Variants in SLC49A4 observed in about 807,000 individuals in gnomAD.
SLC49A4 encodes the protein disrupted in renal cancer protein 2.
Under a neutral mutation model 50.6 loss-of-function variants are expected in SLC49A4, and 36 were observed. The observed-to-expected ratio is 0.71, with a 90% confidence interval of 0.55 to 0.94. The LOEUF is 0.94. SLC49A4 is among the 40% of genes least tolerant of loss of function. The pLI is 0.00. For missense variants in SLC49A4, 503 were observed against 605.7 expected, an observed-to-expected ratio of 0.83 and a Z score of 1.78; for synonymous variants, 248 against 241.2, an observed-to-expected ratio of 1.03 and a Z score of -0.26.
intron 8 of SLC49A4, among the ~76,000 whole-genome samples, chr3:122,876,796 T>C (rs1404045761): frequency 6.6e-6 from 1 of 152,172 alleles, no homozygotes; most frequent in African/African-American, 2.4e-5. Context: ...AAAATCCCAA[T>C]TAATTCAGTC....
rs534273034 is a variant in SLC49A4 at position 122,812,804 on chromosome 3, A to G, written c.437+5854A>G. Among the ~76,000 whole-genome samples the G allele has an allele frequency of 1.2e-4, 18 of 152,318 alleles. No homozygotes were observed. The East Asian group carries it at 1.3e-3, about 11-fold the overall frequency. On this transcript the variant is annotated intron_variant, in intron 2 of 8. Coordinates refer to ENST00000261038, the MANE Select transcript of SLC49A4 (RefSeq NM_032839.3). ...TTAAGGATTAGCCTCTATTTAATAA[A>G]TCTGTTTGCCTTAATTTGACTCTTA...
At chr3:122,833,264 T>C in intron 3 of SLC49A4, 53 bp from the exon 4 acceptor site, 1 of 1,561,592 alleles carries the variant, frequency 6.4e-7, no homozygotes, top group Non-Finnish European at 8.7e-7. Context: ...ATACTTGAAG[T>C]CTTCAACTTT....
At chr3:122,811,137 G>T (rs1936292261) in intron 2 of SLC49A4, among the ~76,000 whole-genome samples, 1 of 152,152 alleles carries the variant, frequency 6.6e-6, no homozygotes, top group Non-Finnish European at 1.5e-5. Flanking sequence ...GTCAAAAGAT[G>T]AGTTAACTGG....
At chr3:122,856,182 C>T in intron 5 of SLC49A4, 125 bp from the exon 6 acceptor site, 1 of 792,534 alleles carries the variant, frequency 1.3e-6, no homozygotes, top group Non-Finnish European at 2.1e-6. Context: ...ACATTAGTTA[C>T]ACATGAATTC....
At chr3:122,862,709 A>G (rs1196971609) in intron 7 of SLC49A4, among the ~76,000 whole-genome samples, 2 of 152,230 alleles carry the variant, frequency 1.3e-5, no homozygotes, top group African/African-American at 2.4e-5. Flanking sequence ...TACATAAAGA[A>G]CAGATTTCTT....
chr3:122,877,279 A>G (rs1047284130), intron 8 of SLC49A4, among the ~76,000 whole-genome samples: 1 of 152,204 alleles, frequency 6.6e-6, no homozygotes, highest in Non-Finnish European at 1.5e-5. Flanking sequence ...CTAAAAAGGC[A>G]AATAATTTCG....
intron 4 of SLC49A4, among the ~76,000 whole-genome samples, chr3:122,839,302 G>T (rs1290110264): frequency 2.0e-5 from 3 of 151,976 alleles, no homozygotes; most frequent in African/African-American, 7.2e-5. Flanking sequence ...AGAAGATAAT[G>T]TTGGAGAAAC....
intron 2 of SLC49A4, among the ~76,000 whole-genome samples, chr3:122,824,196 C>T (rs572992094): frequency 6.6e-6 from 1 of 152,316 alleles, no homozygotes; most frequent in East Asian, 1.9e-4. Context: ...ACCACATAAG[C>T]TTATTTTAAT....
chr3:122,841,144 A>T (rs1936764367), intron 4 of SLC49A4, among the ~76,000 whole-genome samples: 3 of 152,164 alleles, frequency 2.0e-5, no homozygotes, highest in Non-Finnish European at 2.9e-5. Context: ...AATTTTCTTG[A>T]TTCTTTTTTG....
chr3:122,831,554 T>C (rs545129805), intron 3 of SLC49A4, among the ~76,000 whole-genome samples: 1 of 152,256 alleles, frequency 6.6e-6, no homozygotes, highest in Non-Finnish European at 1.5e-5. Context: ...ATAGGAAATG[T>C]CCATAATACT....
intron 1 of SLC49A4, among the ~76,000 whole-genome samples, chr3:122,805,598 AT>A (rs1936207122): frequency 6.6e-6 from 1 of 152,182 alleles, no homozygotes; most frequent in African/African-American, 2.4e-5. Flanking sequence ...TTTGGGAAAA[AT>A]TTGAAGCAAT....
chr3:122,819,408 T>G (rs889857780), intron 2 of SLC49A4, among the ~76,000 whole-genome samples: 7 of 152,190 alleles, frequency 4.6e-5, no homozygotes, highest in Non-Finnish European at 7.4e-5. Flanking sequence ...ACTGTATTTT[T>G]TTATGTATTT....
intron 1 of SLC49A4, among the ~76,000 whole-genome samples, chr3:122,799,972 A>G (rs1936107349): frequency 6.6e-6 from 1 of 152,172 alleles, no homozygotes; most frequent in African/African-American, 2.4e-5. Context: ...GGGATTTGAA[A>G]TGCCTATTAG....
At chr3:122,853,618 G>T (rs1936951003) in intron 5 of SLC49A4, among the ~76,000 whole-genome samples, 1 of 152,116 alleles carries the variant, frequency 6.6e-6, no homozygotes, top group South Asian at 2.1e-4. Flanking sequence ...AAATTAGCTG[G>T]GCGCGGTAGC....
At chr3:122,830,514 G>A (rs114073247) in intron 3 of SLC49A4, among the ~76,000 whole-genome samples, 1,909 of 152,252 alleles carry the variant, frequency 0.013, 40 homozygotes, top group African/African-American at 0.042. Context: ...GCGTAGAAAC[G>A]CCATTACATT....
chr3:122,814,900 T>G (rs1936343709), intron 2 of SLC49A4, among the ~76,000 whole-genome samples: 1 of 152,120 alleles, frequency 6.6e-6, no homozygotes, highest in African/African-American at 2.4e-5. Flanking sequence ...TCCAAAAGAT[T>G]GGACACCCCT....
chr3:122,841,094 T>C (rs1171090934), intron 4 of SLC49A4, among the ~76,000 whole-genome samples: 2 of 152,244 alleles, frequency 1.3e-5, no homozygotes, highest in Non-Finnish European at 2.9e-5. Flanking sequence ...AAAAATCATT[T>C]AAGTGTTCAT....
chr3:122,852,255 G>A (rs979074993), intron 5 of SLC49A4, among the ~76,000 whole-genome samples: 6 of 152,186 alleles, frequency 3.9e-5, no homozygotes, highest in African/African-American at 1.2e-4. Flanking sequence ...GCTTCCCAAA[G>A]TGCTGGGATT....
Position 122,876,358 on chromosome 3 carries a change from G to A in SLC49A4, c.1322-2905G>A, listed in dbSNP as rs548174511. On this transcript the variant is annotated intron_variant, in intron 8 of 8. Transcript: ENST00000261038. ...CTTTCATTTTAAAGTGGCTGACCAT[G>A]AATGTGAGGCTGTGTTGTCACTCAA... Among the ~76,000 whole-genome samples, 3 of 152,342 alleles carry A rather than the reference G, an allele frequency of 2.0e-5. No individual in the cohort carries two copies. In the South Asian group the frequency reaches 6.2e-4, roughly 32 times the overall value.
Sources: gnomAD v4.1 joint callset for allele counts (sites outside exome capture counted in the v4.1 genomes callset) on GRCh38, gnomAD v4.1.1 for gene constraint, MANE v1.5 for transcripts, NCBI Gene and HGNC (gene_info 2026-07-23, HGNC 2026-07-21) for gene names.